ALG8: variants seen among roughly 807,000 people sequenced by gnomAD.
ALG8 encodes dolichyl pyrophosphate Glc1Man9GlcNAc2 alpha-1,3-glucosyltransferase.
A neutral mutation model predicts 70.2 loss-of-function variants in ALG8; 48 were observed. The ratio of observed to expected loss-of-function variants is 0.68; its 90% CI spans 0.54 to 0.87. ALG8 has a LOEUF of 0.87. Among genes scored for constraint, ALG8 ranks in the 40% least tolerant of loss-of-function variants. The pLI is 0.00. For synonymous variants in ALG8, 234 were observed against 229.0 expected (o/e 1.02, Z -0.20); for missense variants, 572 against 608.7 (o/e 0.94, Z 0.64).
chr11:78,105,631 C>T (rs1859988745), intron 10 of ALG8, among the ~76,000 whole-genome samples: 1 of 148,850 alleles, frequency 6.7e-6, no homozygotes, highest in South Asian at 2.1e-4. Context: ...TGGCAAGACC[C>T]TGTCTCTACC....
At chr11:78,130,219 C>A (rs931797380) in intron 1 of ALG8, among the ~76,000 whole-genome samples, 1 of 151,846 alleles carries the variant, frequency 6.6e-6, no homozygotes, top group Admixed American at 6.6e-5. Flanking sequence ...CATGGCGGCA[C>A]GCCCCTGTAG....
intron 1 of ALG8, among the ~76,000 whole-genome samples, chr11:78,127,750 C>T (rs1311660080): frequency 6.9e-6 from 1 of 145,862 alleles, no homozygotes; most frequent in Non-Finnish European, 1.5e-5. Context: ...CCTTCTGTCA[C>T]CCAGGCTGGA....
chr11:78,134,178 C>T (rs1419492215), intron 1 of ALG8, among the ~76,000 whole-genome samples: 1 of 150,844 alleles, frequency 6.6e-6, no homozygotes, highest in African/African-American at 2.4e-5. Context: ...ACTCTTGTCA[C>T]CCAGGCTGGA....
intron 12 of ALG8, 62 bp downstream of exon 12, chr11:78,103,918 T>C (rs1859907247): frequency 1.1e-6 from 1 of 921,924 alleles, no homozygotes; most frequent in Non-Finnish European, 1.7e-6. Context: ...AGAGCTTATT[T>C]GACCACTTAG....
rs182585437 is a variant in ALG8, at chr11:78,114,539, G to C, written c.547-147C>G. 4 of 988,050 alleles carry C rather than the reference G, an allele frequency of 4.0e-6. No individual in the cohort carries two copies. In the East Asian group the frequency reaches 1.0e-4, roughly 26 times the overall value. The allele number at this position is 988,050 out of a possible 1,614,324, so 61.2% of individuals were successfully genotyped here. A position where few individuals can be genotyped will look rare whatever the true frequency, so the allele number is the denominator to read the frequency against. On this transcript the variant is annotated intron_variant, in intron 5 of 12. Transcript: ENST00000299626. ...CAAATGCATCAATATTGCTTTCTTA[G>C]TCTTGATGAATGTACCATGGTTATG...
In ALG8 at chr11:78,107,198, A is replaced by AAT. The variant is rs57228944; in HGVS notation, c.1039-254_1039-253dup. Reference sequence around the variant, plus strand: ...TGTAAATAAATATATTTTATATGTAAATATATATATATATATATATATATA... The same window carrying AAT: ...TGTAAATAAATATATTTTATATGTAAATATATATATATATATATATATATATA... On this transcript the variant is annotated intron_variant, in intron 9 of 12. Transcript: ENST00000299626. 0.025 allele frequency among the ~76,000 whole-genome samples: 3,627 copies of AAT among 143,792 alleles called. 94 individuals are homozygous for AAT. The highest frequency in any genetic ancestry group is 0.056 in the African/African-American group (2,229 of 39,762). The allele number at this position is 143,792 out of a possible 152,430, so 94.3% of individuals were successfully genotyped here.
intron 5 of ALG8, 111 bp downstream of exon 5, chr11:78,119,071 T>C: frequency 1.3e-6 from 1 of 784,580 alleles, no homozygotes; most frequent in Non-Finnish European, 2.2e-6. Context: ...CTATCGCACT[T>C]GGCAGCTCAA....
chr11:78,106,449 G>A (rs1420770902), intron 10 of ALG8, among the ~76,000 whole-genome samples: 1 of 152,114 alleles, frequency 6.6e-6, no homozygotes, highest in Non-Finnish European at 1.5e-5. Flanking sequence ...TGCCCGCCTT[G>A]GCCTCCCTAA....
At chr11:78,119,040 A>G (rs890357625) in intron 5 of ALG8, 142 bp downstream of exon 5, 30 of 658,182 alleles carry the variant, frequency 4.6e-5, no homozygotes, top group Non-Finnish European at 7.0e-5. Context: ...GGAATTTGTG[A>G]GAAATACCTA....
chr11:78,128,849 C>T (rs1861189135), intron 1 of ALG8, among the ~76,000 whole-genome samples: 3 of 151,262 alleles, frequency 2.0e-5, no homozygotes, highest in Admixed American at 6.6e-5. Flanking sequence ...CTCCTGACCT[C>T]GTGATCAGCC....
chr11:78,137,981 G>T (rs905397391), intron 1 of ALG8, among the ~76,000 whole-genome samples: 1 of 152,084 alleles, frequency 6.6e-6, no homozygotes, highest in Non-Finnish European at 1.5e-5. Flanking sequence ...AAAAAATGAG[G>T]TATTCCTGTA....
intron 1 of ALG8, chr11:78,138,812 C>G (rs1440422281): frequency 4.4e-6 from 2 of 456,164 alleles, no homozygotes; most frequent in African/African-American, 4.0e-5. Context: ...GTCTTCGAAA[C>G]CCTGTGTTAT....
intron 1 of ALG8, among the ~76,000 whole-genome samples, chr11:78,132,941 AT>A (rs1861370002): frequency 6.9e-6 from 1 of 144,998 alleles, no homozygotes; most frequent in Admixed American, 7.3e-5. Flanking sequence ...GGTTCATGCC[AT>A]TCTCCTGCCT....
chr11:78,124,685 T>C (rs566962795), intron 2 of ALG8, among the ~76,000 whole-genome samples: 2 of 152,266 alleles, frequency 1.3e-5, no homozygotes, highest in South Asian at 2.1e-4. Context: ...AACAAATAAT[T>C]CACTAACTTA....
chr11:78,121,527 T>A (rs1243759399), intron 3 of ALG8, among the ~76,000 whole-genome samples: 1 of 144,548 alleles, frequency 6.9e-6, no homozygotes, highest in African/African-American at 2.6e-5. Context: ...GAGGCCAGCC[T>A]GGGCGACATA....
chr11:78,117,600 T>C (rs1590821118), intron 5 of ALG8, among the ~76,000 whole-genome samples: 2 of 134,298 alleles, frequency 1.5e-5, no homozygotes, highest in African/African-American at 5.8e-5. Context: ...TAGTGAAACC[T>C]CCTTCTCTAC....
chr11:78,132,080 G>C (rs1861332958), intron 1 of ALG8, among the ~76,000 whole-genome samples: 2 of 152,042 alleles, frequency 1.3e-5, no homozygotes, highest in Admixed American at 6.6e-5. Flanking sequence ...CCCTCTGCCT[G>C]CAACACTCTG....
Position 78,117,302 on chromosome 11 carries a change from C to T in ALG8, c.546+1880G>A, listed in dbSNP as rs567405944. Among the ~76,000 whole-genome samples the T allele has an allele frequency of 1.7e-4, 26 of 152,228 alleles. No homozygotes were observed. The South Asian group carries it at 2.3e-3, about 13-fold the overall frequency. ...TCTTAAGCCCCATTCCCAGAGACTT[C>T]GATTCCATGTACAAAGGGATGGCCC... is the stretch of plus-strand genomic sequence containing the variant. On this transcript the variant is annotated intron_variant, in intron 5 of 12. Coordinates refer to ENST00000299626, the MANE Select transcript of ALG8 (RefSeq NM_024079.5).
intron 5 of ALG8, among the ~76,000 whole-genome samples, chr11:78,118,120 T>C (rs1443125844): frequency 1.3e-5 from 2 of 151,948 alleles, no homozygotes; most frequent in Admixed American, 6.6e-5. Context: ...GTAATCTTAG[T>C]AGCCATGTAT....
Sources: gnomAD v4.1 joint callset for allele counts (sites outside exome capture counted in the v4.1 genomes callset) on GRCh38, gnomAD v4.1.1 for gene constraint, MANE v1.5 for transcripts, NCBI Gene and HGNC (gene_info 2026-07-23, HGNC 2026-07-21) for gene names.